The following GSE1 variants were observed in gnomAD, a reference collection of about 807,000 sequenced individuals.
GSE1 encodes genetic suppressor element 1.
GSE1 carries 32 observed loss-of-function variants against 112.6 expected under a neutral mutation model. That is an observed-to-expected ratio of 0.28 (90% CI 0.21 to 0.38). The LOEUF is 0.38. Ranked by LOEUF, GSE1 falls within the 10% of genes least tolerant of loss-of-function variation. The probability of loss-of-function intolerance (pLI) is 1.00; values close to 1 mark genes in which losing one functional copy is unlikely to be tolerated. For synonymous variants in GSE1, 1,115 were observed against 735.6 expected, an observed-to-expected ratio of 1.52 and a Z score of -8.35; for missense variants, 2,348 against 1,699.2, an observed-to-expected ratio of 1.38 and a Z score of -6.71.
chr16:85,524,709 C>G (rs557955091), intron 2 of GSE1, among the ~76,000 whole-genome samples: 1 of 152,280 alleles, frequency 6.6e-6, no homozygotes, highest in East Asian at 1.9e-4. Context: ...CCTGTAATCA[C>G]GAGGGGGAGA....
At position 85,673,855 on chromosome 16, in the gene GSE1, G is replaced by GTGTC. The variant is rs1246951954; in HGVS notation, c.*1319_*1322dup. ...TTTCTGTGATTGATATAATTCTAAGGTGTCTGAGAGCAGGTACAGAATAGG... is the reference window on the plus strand; with the variant it reads ...TTTCTGTGATTGATATAATTCTAAGGTGTCTGTCTGAGAGCAGGTACAGAATAGG... On this transcript the variant is annotated 3_prime_UTR_variant, in exon 16 of 16. Coordinates refer to ENST00000253458, the MANE Select transcript of GSE1 (RefSeq NM_014615.5). The GTGTC allele has an allele frequency of 6.6e-6, 1 of 152,170 alleles. No individual in the cohort carries two copies. The highest frequency in any genetic ancestry group is 2.4e-5 in the African/African-American group (1 of 41,432). 9.4% of individuals were successfully genotyped at this position (152,170 alleles called of 1,614,324 possible). A position where few individuals can be genotyped will look rare whatever the true frequency, so the allele number is the denominator to read the frequency against.
At chr16:85,669,974 C>T (rs1229312226) in intron 14 of GSE1, among the ~76,000 whole-genome samples, 2 of 152,238 alleles carry the variant, frequency 1.3e-5, no homozygotes, top group Admixed American at 1.3e-4. Context: ...AAGGACTTTT[C>T]CCCTAAGGAT....
chr16:85,554,763 A>C, upstream of GSE1: 1 of 504,960 alleles, frequency 2.0e-6, no homozygotes. Flanking sequence ...CGGCTCCCGC[A>C]GCTGTCAGTC....
intron 2 of GSE1, among the ~76,000 whole-genome samples, chr16:85,462,892 A>T (rs2050012654): frequency 1.3e-5 from 2 of 149,620 alleles, no homozygotes; most frequent in African/African-American, 4.9e-5. Flanking sequence ...GGCAGGGCGC[A>T]CCGCGCAGGG....
chr16:85,217,273 T>G (rs145346024), intron 1 of GSE1, among the ~76,000 whole-genome samples: 1,746 of 152,322 alleles, frequency 0.011, 39 homozygotes, highest in African/African-American at 0.04. Flanking sequence ...AGGAGGGGAC[T>G]GGGGCAGGCC....
chr16:85,376,503 G>A (rs537991821), intron 2 of GSE1, among the ~76,000 whole-genome samples: 22 of 152,336 alleles, frequency 1.4e-4, no homozygotes, highest in African/African-American at 3.6e-4. Flanking sequence ...GCCTGTGGCC[G>A]GGTGGTGTGG....
At chr16:85,261,146 GC>G (rs1408833530) in intron 1 of GSE1, among the ~76,000 whole-genome samples, 2 of 152,220 alleles carry the variant, frequency 1.3e-5, no homozygotes, top group Non-Finnish European at 2.9e-5. Flanking sequence ...CAGGGTCTGG[GC>G]CATTTCTTCT....
chr16:85,523,663 T>G (rs990943784), intron 2 of GSE1, among the ~76,000 whole-genome samples: 3 of 152,210 alleles, frequency 2.0e-5, no homozygotes, highest in African/African-American at 4.8e-5. Context: ...TCCTCGTGCC[T>G]GCCTCCACCC....
At chr16:85,661,027 C>T (rs2052384689) in intron 8 of GSE1, 119 bp from the exon 9 acceptor site, 6 of 871,154 alleles carry the variant, frequency 6.9e-6, no homozygotes, top group Non-Finnish European at 1.1e-5. Context: ...CCTGTTGGCA[C>T]TGGCTCTCTA....
intron 1 of GSE1, among the ~76,000 whole-genome samples, chr16:85,228,605 A>G (rs1228026111): frequency 2.0e-5 from 3 of 152,188 alleles, no homozygotes; most frequent in Non-Finnish European, 2.9e-5. Flanking sequence ...GTTGCGTGTC[A>G]GCAGTACAGT....
intron 1 of GSE1, among the ~76,000 whole-genome samples, chr16:85,240,604 A>AGGG (rs940807190): frequency 1.3e-5 from 2 of 152,148 alleles, no homozygotes; most frequent in Admixed American, 6.5e-5. Context: ...TCCCGCTGCT[A>AGGG]GGGGTCTCCC....
At position 85,645,599 on chromosome 16, in the gene GSE1, G is replaced by A. The variant is rs577718373; in HGVS notation, c.227-2953G>A. Among the ~76,000 whole-genome samples, 7 of 152,310 alleles carry A rather than the reference G, an allele frequency of 4.6e-5. No individual in the cohort carries two copies. In the South Asian group the frequency reaches 1.4e-3, roughly 32 times the overall value. The stretch of plus-strand genomic sequence containing the variant: ...TCTGCCTCCTGGTCACGCCACTAAG[G>A]CCACTTTGGCTGCCTGAGGCCTCTG... On this transcript the variant is annotated intron_variant, in intron 2 of 15. Coordinates refer to ENST00000253458, the MANE Select transcript of GSE1 (RefSeq NM_014615.5).
chr16:85,653,583 C>T (rs934668057), intron 3 of GSE1, among the ~76,000 whole-genome samples: 2 of 151,780 alleles, frequency 1.3e-5, no homozygotes, highest in Admixed American at 6.6e-5. Context: ...TGTCCAGGAG[C>T]CTGGGACAGG....
chr16:85,572,468 C>G (rs916358044), intron 1 of GSE1, among the ~76,000 whole-genome samples: 1 of 148,108 alleles, frequency 6.8e-6, no homozygotes. Flanking sequence ...ACACACAACA[C>G]ACATCACACA....
rs116218560 is a variant in GSE1 at position 85,663,625 on chromosome 16, G to C, written c.2644+11G>C. ...CTGAGAAGAGGAAAGGTAGGGCCTC[G>C]CCTGGGTAGGAAGGTGGGGGCTCAC... On this transcript the variant is annotated intron_variant, in intron 11 of 15. Transcript: ENST00000253458. 3 of 1,604,814 alleles carry C rather than the reference G, an allele frequency of 1.9e-6. No homozygotes were observed. The highest frequency in any genetic ancestry group is 1.3e-5 in the African/African-American group (1 of 74,342).
At chr16:85,529,764 A>C (rs2044078146) in intron 2 of GSE1, among the ~76,000 whole-genome samples, 1 of 152,192 alleles carries the variant, frequency 6.6e-6, no homozygotes, top group Non-Finnish European at 1.5e-5. Flanking sequence ...AACCTCACCG[A>C]TTAGACTGTC....
chr16:85,193,168 G>C (rs1167833025), intron 1 of GSE1, among the ~76,000 whole-genome samples: 1 of 152,132 alleles, frequency 6.6e-6, no homozygotes, highest in Non-Finnish European at 1.5e-5. Flanking sequence ...TAAGAAAAAA[G>C]GTTGAACACC....
intron 1 of GSE1, among the ~76,000 whole-genome samples, chr16:85,600,865 G>A (rs1194216216): frequency 1.3e-5 from 2 of 152,106 alleles, no homozygotes; most frequent in Non-Finnish European, 2.9e-5. Context: ...CGCTGATGAG[G>A]GTTTGTGTCC....
chr16:85,227,153 C>T (rs2075503449), intron 1 of GSE1, among the ~76,000 whole-genome samples: 1 of 152,302 alleles, frequency 6.6e-6, no homozygotes, highest in East Asian at 1.9e-4. Flanking sequence ...GTTCATTGGT[C>T]CGTCTATCCA....
Sources: allele counts gnomAD v4.1 joint callset (sites outside exome capture counted in the v4.1 genomes callset), GRCh38; gene constraint gnomAD v4.1.1; transcripts MANE v1.5; gene names NCBI Gene and HGNC (gene_info 2026-07-23, HGNC 2026-07-21).